ASB15: variants seen among roughly 807,000 people sequenced by gnomAD.
ASB15 encodes the protein ankyrin repeat and SOCS box containing 15, also known as ankyrin repeat and SOCS box protein 15.
In ASB15, 54 loss-of-function variants were observed where a neutral mutation model predicts 58.0. The ratio of observed to expected loss-of-function variants is 0.93; its 90% CI spans 0.75 to 1.17. The LOEUF (loss-of-function observed/expected upper bound fraction) is 1.17. ASB15 is among the 50% of genes most tolerant of loss of function. ASB15 has a pLI of 0.00. For missense variants in ASB15, 680 were observed against 707.4 expected, an observed-to-expected ratio of 0.96 and a Z score of 0.44; for synonymous variants, 249 against 262.4, an observed-to-expected ratio of 0.95 and a Z score of 0.50.
chr7:123,602,204 A>G (rs1011659328), intron 1 of ASB15, among the ~76,000 whole-genome samples: 1 of 152,126 alleles, frequency 6.6e-6, no homozygotes, highest in Admixed American at 6.6e-5. Context: ...ATGTCAATAT[A>G]TTTACTATAG....
chr7:123,594,424 C>T (rs1024315099), intron 1 of ASB15, among the ~76,000 whole-genome samples: 5 of 152,042 alleles, frequency 3.3e-5, no homozygotes, highest in Admixed American at 2.6e-4. Flanking sequence ...GTTTCATTTG[C>T]CTTTGGTCTT....
chr7:123,608,924 A>G (rs1057320631), intron 3 of ASB15: 1 of 151,826 alleles, frequency 6.6e-6, no homozygotes, highest in African/African-American at 2.4e-5. Context: ...TAAAAATGAG[A>G]ATTCGTATTG....
At chr7:123,633,593 G>A (rs1287487565) in intron 11 of ASB15, among the ~76,000 whole-genome samples, 1 of 151,354 alleles carries the variant, frequency 6.6e-6, no homozygotes. Flanking sequence ...GAAAGCATCT[G>A]TGTGCATGTG....
intron 1 of ASB15, among the ~76,000 whole-genome samples, chr7:123,595,164 G>A (rs2116379816): frequency 6.6e-6 from 1 of 152,296 alleles, no homozygotes; most frequent in Admixed American, 6.5e-5. Context: ...TGCCCTAAAT[G>A]ACACTGATCA....
intron 1 of ASB15, among the ~76,000 whole-genome samples, chr7:123,575,751 T>C (rs1799045682): frequency 1.3e-5 from 2 of 151,888 alleles, no homozygotes; most frequent in Non-Finnish European, 2.9e-5. Context: ...TGGAAAAATA[T>C]TTTGTTAGAT....
At chr7:123,581,180 T>A (rs79891719) in intron 1 of ASB15, among the ~76,000 whole-genome samples, 6,113 of 151,968 alleles carry the variant, frequency 0.04, 217 homozygotes, top group Non-Finnish European at 0.056. Context: ...TGAATGTTGC[T>A]CAGGGCATGA....
chr7:123,637,878 T>TAAAAAAAAAAAAAAAAAAAAAAAGA lies in ASB15; in HGVS notation c.*919_*920insAGAAAAAAAAAAAAAAAAAAAAAAA, dbSNP rs71161491. On this transcript the variant is annotated 3_prime_UTR_variant, in exon 12 of 12. Coordinates refer to ENST00000451215, the MANE Select transcript of ASB15 (RefSeq NM_001290258.2). Reference sequence around the variant, plus strand: ...AAATTCAACATGTCCCCAGATGAACTAAAAAAAAAAAAAAAAAAAAAACCT... The same window carrying TAAAAAAAAAAAAAAAAAAAAAAAGA: ...AAATTCAACATGTCCCCAGATGAACTAAAAAAAAAAAAAAAAAAAAAAAGAAAAAAAAAAAAAAAAAAAAAAACCT... 3.8e-5 allele frequency: 2 copies of TAAAAAAAAAAAAAAAAAAAAAAAGA among 52,468 alleles called. No homozygotes were observed. The highest frequency in any genetic ancestry group is 7.5e-5 in the Non-Finnish European group (2 of 26,694). 3.3% of individuals were successfully genotyped at this position (52,468 alleles called of 1,614,324 possible).
chr7:123,582,276 G>A (rs562241963), intron 1 of ASB15, among the ~76,000 whole-genome samples: 72 of 151,976 alleles, frequency 4.7e-4, no homozygotes, highest in Non-Finnish European at 9.3e-4. Flanking sequence ...GGGAGATGGG[G>A]AGGGGGGGTT....
chr7:123,583,568 A>C (rs556989361), intron 1 of ASB15, among the ~76,000 whole-genome samples: 47 of 152,152 alleles, frequency 3.1e-4, no homozygotes, highest in Non-Finnish European at 5.9e-4. Flanking sequence ...AGTTACTAGT[A>C]TAAACTTTTA....
At chr7:123,574,899 C>T (rs1166574683) in intron 1 of ASB15, among the ~76,000 whole-genome samples, 2 of 151,910 alleles carry the variant, frequency 1.3e-5, no homozygotes, top group Non-Finnish European at 2.9e-5. Context: ...GGATCTACAT[C>T]ATACTTGTTT....
At chr7:123,597,415 T>C (rs1799729172), upstream of ASB15, among the ~76,000 whole-genome samples, 1 of 152,236 alleles carries the variant, frequency 6.6e-6, no homozygotes, top group African/African-American at 2.4e-5. Flanking sequence ...TGTTAATTGC[T>C]TACTGTGCTT....
chr7:123,614,421 C>T lies in ASB15; in HGVS notation c.-2-80C>T. On this transcript the variant is annotated intron_variant, in intron 3 of 11. Transcript: ENST00000451215. ...AAATGCATTTTAGTTTTTCACTATG[C>T]ATTTTTCATGTTTACTCTATGTACT... 1.1e-5 allele frequency: 9 copies of T among 808,856 alleles called. No individual in the cohort carries two copies. The South Asian group carries it at 1.4e-4, about 13-fold the overall frequency. The allele number at this position is 808,856 out of a possible 1,614,324, so 50.1% of individuals were successfully genotyped here. A position where few individuals can be genotyped will look rare whatever the true frequency, so the allele number is the denominator to read the frequency against.
intron 1 of ASB15, among the ~76,000 whole-genome samples, chr7:123,589,822 C>T (rs887995528): frequency 9.2e-5 from 14 of 151,830 alleles, no homozygotes; most frequent in African/African-American, 2.9e-4. Flanking sequence ...TACAATCATT[C>T]GGGTATATAC....
At chr7:123,601,100 C>T (rs1041927707), upstream of ASB15, among the ~76,000 whole-genome samples, 5 of 151,994 alleles carry the variant, frequency 3.3e-5, no homozygotes, top group African/African-American at 4.8e-5. Flanking sequence ...TTGTGAGTGC[C>T]GATGGTGGCC....
intron 11 of ASB15, among the ~76,000 whole-genome samples, chr7:123,635,909 A>T (rs2116694972): frequency 6.6e-6 from 1 of 152,240 alleles, no homozygotes; most frequent in African/African-American, 2.4e-5. Flanking sequence ...TGTTTATATC[A>T]TCAAATGTAA....
chr7:123,627,335 T>G, intron 9 of ASB15, 54 bp downstream of exon 9: 1 of 1,450,128 alleles, frequency 6.9e-7, no homozygotes, highest in South Asian at 1.3e-5. Context: ...AATTTGTATA[T>G]ACAGTATAAT....
intron 3 of ASB15, among the ~76,000 whole-genome samples, chr7:123,610,782 A>T (rs949880330): frequency 2.0e-5 from 3 of 152,250 alleles, no homozygotes; most frequent in Non-Finnish European, 2.9e-5. Context: ...TATGGAGAAC[A>T]AATGATTTAT....
chr7:123,575,661 T>A (rs943600481), intron 1 of ASB15, among the ~76,000 whole-genome samples: 3 of 152,102 alleles, frequency 2.0e-5, no homozygotes, highest in African/African-American at 7.2e-5. Context: ...TTGTAACCTT[T>A]ATCTTTGAAG....
At chr7:123,620,333 C>T (rs982521011) in intron 7 of ASB15, 15 of 151,274 alleles carry the variant, frequency 9.9e-5, no homozygotes, top group Non-Finnish European at 1.5e-4. Context: ...AGCATAAATA[C>T]TGAGAAACCA....
Sources: allele counts gnomAD v4.1 joint callset (sites outside exome capture counted in the v4.1 genomes callset), GRCh38; gene constraint gnomAD v4.1.1; transcripts MANE v1.5; gene names NCBI Gene and HGNC (gene_info 2026-07-23, HGNC 2026-07-21).